Variants in PAQR5 observed in about 807,000 individuals in gnomAD.
PAQR5 encodes membrane progestin receptor gamma.
A neutral mutation model predicts 34.5 loss-of-function variants in PAQR5; 20 were observed. That is an observed-to-expected ratio of 0.58 (90% CI 0.41 to 0.84). PAQR5 has a LOEUF of 0.84. PAQR5 is among the 40% of genes least tolerant of loss of function. The pLI, the probability that PAQR5 is intolerant of heterozygous loss-of-function variation, is 0.00. For missense variants in PAQR5, 378 were observed against 412.7 expected (o/e 0.92, Z 0.73); for synonymous variants, 131 against 155.6 (o/e 0.84, Z 1.18).
chr15:69,303,851 T>A (rs1364824987), intron 1 of PAQR5, among the ~76,000 whole-genome samples: 1 of 152,198 alleles, frequency 6.6e-6, no homozygotes, highest in Non-Finnish European at 1.5e-5. Context: ...TGTGCAGGCC[T>A]CTACATTCCA....
chr15:69,324,804 CT>C (rs1302771360), intron 1 of PAQR5, among the ~76,000 whole-genome samples: 1 of 152,176 alleles, frequency 6.6e-6, no homozygotes, highest in East Asian at 1.9e-4. Context: ...CGCCCTCTTC[CT>C]ACCTCCATGG....
intron 1 of PAQR5, among the ~76,000 whole-genome samples, chr15:69,318,708 GTACTAAA>G: frequency 6.6e-6 from 1 of 151,846 alleles, no homozygotes; most frequent in South Asian, 2.1e-4. Flanking sequence ...ACCACAGATA[GTACTAAA>G]CCTGGTATAT....
chr15:69,301,844 A>G (rs1036390668), intron 1 of PAQR5, among the ~76,000 whole-genome samples: 3 of 142,614 alleles, frequency 2.1e-5, no homozygotes, highest in East Asian at 2.1e-4. Context: ...GTGAATTCAT[A>G]AGAAATGGGG....
At chr15:69,325,670 C>T (rs546887822) in intron 1 of PAQR5, among the ~76,000 whole-genome samples, 4 of 152,284 alleles carry the variant, frequency 2.6e-5, no homozygotes, top group African/African-American at 9.6e-5. Flanking sequence ...GCTACCAGCC[C>T]CAGGGCAGGT....
At chr15:69,387,309 A>C (rs2140949120) in intron 5 of PAQR5, among the ~76,000 whole-genome samples, 1 of 152,210 alleles carries the variant, frequency 6.6e-6, no homozygotes, top group South Asian at 2.1e-4. Flanking sequence ...CAGGCCCCTG[A>C]CACACACCCC....
intron 1 of PAQR5, among the ~76,000 whole-genome samples, chr15:69,310,425 A>G (rs929586029): frequency 1.3e-5 from 2 of 152,230 alleles, no homozygotes; most frequent in Non-Finnish European, 2.9e-5. Context: ...AAACACACCA[A>G]TATTTGCCAA....
At chr15:69,302,667 G>A (rs2053630626) in intron 1 of PAQR5, among the ~76,000 whole-genome samples, 1 of 152,164 alleles carries the variant, frequency 6.6e-6, no homozygotes, top group African/African-American at 2.4e-5. Context: ...GCAGACCCAG[G>A]TGTCTGCCTT....
chr15:69,357,973 G>A (rs1477019198), intron 2 of PAQR5, among the ~76,000 whole-genome samples: 1 of 152,168 alleles, frequency 6.6e-6, no homozygotes, highest in African/African-American at 2.4e-5. Flanking sequence ...AGCTGTGACT[G>A]TAGGTACGAT....
chr15:69,379,067 ATGGTGTAAACTTC>A (rs1231716014), intron 3 of PAQR5, among the ~76,000 whole-genome samples: 2 of 152,196 alleles, frequency 1.3e-5, no homozygotes, highest in African/African-American at 4.8e-5. Context: ...CCTCTGCCCC[ATGGTGTAAACTTC>A]ATTTTCCCAA....
At chr15:69,326,689 G>A (rs531311911) in intron 1 of PAQR5, among the ~76,000 whole-genome samples, 5 of 152,042 alleles carry the variant, frequency 3.3e-5, no homozygotes, top group African/African-American at 7.2e-5. Context: ...TGCCTGCCTC[G>A]GCCTCCCAAA....
At chr15:69,316,929 C>T (rs981110072) in intron 1 of PAQR5, among the ~76,000 whole-genome samples, 1 of 152,180 alleles carries the variant, frequency 6.6e-6, no homozygotes, top group Admixed American at 6.5e-5. Context: ...AAGCAATTCT[C>T]CTGCCTCAGT....
rs79258859 is a variant in PAQR5 at position 69,362,650 on chromosome 15, C to T, written c.51+2519C>T. 1.4e-3 allele frequency among the ~76,000 whole-genome samples: 206 copies of T among 152,278 alleles called. 1 individual carries two copies. The highest frequency in any genetic ancestry group is 4.7e-3 in the African/African-American group (195 of 41,552). ...ATGGGAATGACAACAGTATCTGCCT[C>T]CTGGGGTTGTGAGAATTAAATGAGA... is the stretch of plus-strand genomic sequence containing the variant. On this transcript the variant is annotated intron_variant, in intron 3 of 8. Coordinates refer to ENST00000395407, the MANE Select transcript of PAQR5 (RefSeq NM_017705.4).
Position 69,384,796 on chromosome 15 carries a change from G to T in PAQR5, c.299G>T (p.Cys100Phe). ...TGCGTGTACCCACTTGTGTCCAGCT[G>T]TGCGCACACCTTCAGCTCTATGTCC... Reference protein sequence around the residue: ...TSCVYPLVSSCAHTFSSMSKN... With the variant: ...TSCVYPLVSSFAHTFSSMSKN... The change falls in exon 5 of 9, where the codon TGT becomes TTT. Residue 100 changes from cysteine to phenylalanine, a missense_variant. By Grantham distance (205) the Cys-to-Phe change is radical. Transcript: ENST00000395407. 6.2e-7 allele frequency: 1 copy of T among 1,614,070 alleles called. No individual in the cohort carries two copies. The highest frequency in any genetic ancestry group is 8.5e-7 in the Non-Finnish European group (1 of 1,179,966).
intron 3 of PAQR5, among the ~76,000 whole-genome samples, chr15:69,364,555 T>TAA (rs1411903230): frequency 8.0e-6 from 1 of 124,354 alleles, no homozygotes; most frequent in African/African-American, 3.5e-5. Context: ...TATATATATA[T>TAA]AACGAGTTGT....
Position 69,379,904 on chromosome 15 carries a change from C to G in PAQR5, c.73C>G (p.Leu25Val), listed in dbSNP as rs771060144. The G allele has an allele frequency of 1.2e-6, 2 of 1,614,096 alleles. No homozygotes were observed. Among genetic ancestry groups the G allele is most frequent in the Admixed American group, 3.3e-5 (2 of 60,036 alleles). Reference sequence around the variant, plus strand: ...GCAGGTGTTCCATGAGCAAGGCATCCTGTTCGGCTACCGCCATCCACAGAG... The same window carrying G: ...GCAGGTGTTCCATGAGCAAGGCATCGTGTTCGGCTACCGCCATCCACAGAG... Reference protein sequence around the residue: ...IPQVFHEQGILFGYRHPQSSA... With the variant: ...IPQVFHEQGIVFGYRHPQSSA... The change falls in exon 4 of 9, where the codon CTG (leucine) becomes GTG (valine). Residue 25 changes from leucine (L) to valine (V), a missense_variant. Leu to Val is a conservative substitution (Grantham distance 32). Coordinates refer to ENST00000395407, the MANE Select transcript of PAQR5 (RefSeq NM_017705.4).
chr15:69,366,830 T>A (rs2140873807), intron 3 of PAQR5, among the ~76,000 whole-genome samples: 1 of 152,340 alleles, frequency 6.6e-6, no homozygotes, highest in East Asian at 1.9e-4. Context: ...TGTAAGTTAA[T>A]TTTTACTTTA....
rs539323241 is a variant in PAQR5 at position 69,317,301 on chromosome 15, G to A, written c.-277+18245G>A. 5.8e-4 allele frequency among the ~76,000 whole-genome samples: 88 copies of A among 152,242 alleles called. 1 individual carries two copies. Among genetic ancestry groups the A allele is most frequent in the African/African-American group, 1.5e-3 (63 of 41,528 alleles). ...GGGAGTGGTTGGACATTATGCAGGCGGGGGCATCCACCCAGGCTCCCTCAC... is the reference window on the plus strand; with the variant it reads ...GGGAGTGGTTGGACATTATGCAGGCAGGGGCATCCACCCAGGCTCCCTCAC... On this transcript the variant is annotated intron_variant, in intron 1 of 8. Transcript: ENST00000395407.
intron 1 of PAQR5, among the ~76,000 whole-genome samples, chr15:69,315,574 C>A (rs1344961122): frequency 9.9e-5 from 15 of 152,166 alleles, no homozygotes; most frequent in Admixed American, 9.8e-4. Flanking sequence ...CACAGCCAGC[C>A]CTGGGTGACA....
rs114106243 is a variant in PAQR5, at chr15:69,367,794, G to T, written c.51+7663G>T. ...GCAAGGATGTGAAGGAGGCGGGATT[G>T]TGCAGAAGGAGAAGCTGCGTTAGAA... On this transcript the variant is annotated intron_variant, in intron 3 of 8. Transcript: ENST00000395407. Among the ~76,000 whole-genome samples the T allele has an allele frequency of 6.8e-3, 1,032 of 152,332 alleles. 12 individuals carry two copies. The highest frequency in any genetic ancestry group is 0.024 in the African/African-American group (987 of 41,558).
Sources: allele counts gnomAD v4.1 joint callset (sites outside exome capture counted in the v4.1 genomes callset), GRCh38; gene constraint gnomAD v4.1.1; transcripts MANE v1.5; gene names NCBI Gene and HGNC (gene_info 2026-07-23, HGNC 2026-07-21).